The following DIPK1B variants were observed in gnomAD, a reference collection of about 807,000 sequenced individuals.
The protein encoded by DIPK1B is family with sequence similarity 69 member B.
Under a neutral mutation model 20.7 loss-of-function variants are expected in DIPK1B, and 17 were observed. The ratio of observed to expected loss-of-function variants is 0.82; its 90% CI spans 0.56 to 1.23. The LOEUF is 1.23. Among genes scored for constraint, DIPK1B ranks in the 50% most tolerant of loss-of-function variants. The probability of loss-of-function intolerance (pLI) is 0.00; values close to 1 mark genes in which losing one functional copy is unlikely to be tolerated. For synonymous variants in DIPK1B, 343 were observed against 276.5 expected, an observed-to-expected ratio of 1.24 and a Z score of -2.39; for missense variants, 648 against 601.8, an observed-to-expected ratio of 1.08 and a Z score of -0.80.
Position 136,717,666 on chromosome 9 carries a change from G to T in DIPK1B, c.153G>T (p.Ser51=). ...GCTGGCTGGTGTACGTGCACTACTC[G>T]TCCTACTCGGAGCGCTGTCGCGGCC... ...AGSWLVYVHY[S]SYSERCRGHV... The change falls in exon 2 of 5, where the codon TCG becomes TCT. Residue 51 remains serine (S), a synonymous_variant. Coordinates refer to ENST00000371692, the MANE Select transcript of DIPK1B (RefSeq NM_152421.4). 6.2e-7 allele frequency: 1 copy of T among 1,609,862 alleles called. No individual in the cohort carries two copies. The highest frequency in any genetic ancestry group is 8.5e-7 in the Non-Finnish European group (1 of 1,179,958).
rs1466016580 is a variant in DIPK1B at position 136,722,993 on chromosome 9, C to T, written c.515C>T (p.Ala172Val). ...ANLGDLPSLP[A>V]LVGQVLLMAD... Reference sequence around the variant, plus strand: ...CTGGGAGACCTGCCTTCCCTGCCGGCGCTGGTTGGCCAGGTCCTGCTCATG... The same window carrying T: ...CTGGGAGACCTGCCTTCCCTGCCGGTGCTGGTTGGCCAGGTCCTGCTCATG... Residue 172 changes from alanine (A) to valine (V), a missense_variant, in exon 5 of 5, where the codon GCG becomes GTG. Ala to Val is a moderately conservative substitution (Grantham distance 64). Coordinates refer to ENST00000371692, the MANE Select transcript of DIPK1B (RefSeq NM_152421.4). The T allele has an allele frequency of 9.3e-6, 15 of 1,609,048 alleles. No homozygotes were observed. Among genetic ancestry groups the T allele is most frequent in the East Asian group, 2.2e-5 (1 of 44,730 alleles).
At chr9:136,722,393 G>T in intron 4 of DIPK1B, 92 bp downstream of exon 4, 1 of 1,363,488 alleles carries the variant, frequency 7.3e-7, no homozygotes, top group Non-Finnish European at 1.0e-6. Context: ...CCAGCGCAAA[G>T]GCACAGATGG....
chr9:136,720,814 C>T (rs992318995), intron 2 of DIPK1B: 2 of 152,322 alleles, frequency 1.3e-5, no homozygotes, highest in Non-Finnish European at 2.9e-5. Context: ...CGGCTCCACC[C>T]CAGGGGTACC....
rs1846676831 is a variant in DIPK1B at position 136,724,707 on chromosome 9, T to C, written c.*933T>C. ...TCATCCTGTATTTTAAAATAAATGT[T>C]TTCCATATAGATTTTCCCCTTGGGG... On this transcript the variant is annotated 3_prime_UTR_variant, in exon 5 of 5. Transcript: ENST00000371692. The C allele has an allele frequency of 6.6e-6, 1 of 152,376 alleles. No homozygotes were observed. Among genetic ancestry groups the C allele is most frequent in the African/African-American group, 2.4e-5 (1 of 41,594 alleles). The allele number at this position is 152,376 out of a possible 1,614,324, so 9.4% of individuals were successfully genotyped here. A position where few individuals can be genotyped will look rare whatever the true frequency, so the allele number is the denominator to read the frequency against.
intron 2 of DIPK1B, among the ~76,000 whole-genome samples, chr9:136,719,217 C>T (rs368868305): frequency 1.2e-3 from 177 of 152,222 alleles, no homozygotes; most frequent in Admixed American, 3.2e-3. Flanking sequence ...TACTGGGTGC[C>T]GGGCCGCAAA....
rs1393707209 is a variant in DIPK1B, at chr9:136,712,834, G to C, written c.63+106G>C. On this transcript the variant is annotated intron_variant, in intron 1 of 4. Coordinates refer to ENST00000371692, the MANE Select transcript of DIPK1B (RefSeq NM_152421.4). The surrounding 1 kb of genome is among the most constrained non-coding windows in gnomAD (Gnocchi z 5.6). ...GGAGCGGGGCCCCGGGTTCGGACAC[G>C]AAGGGTTCATGAGCCCGGGGTGGGC... The C allele has an allele frequency of 8.1e-6, 6 of 742,742 alleles. No homozygotes were observed. The highest frequency in any genetic ancestry group is 1.1e-5 in the Non-Finnish European group (6 of 554,094). The allele number at this position is 742,742 out of a possible 1,614,324, so 46.0% of individuals were successfully genotyped here. A position where few individuals can be genotyped will look rare whatever the true frequency, so the allele number is the denominator to read the frequency against.
chr9:136,720,221 C>CTTTTTTTTTTTTTTTTTTTTTTTTTTTTT (rs1478464518), intron 2 of DIPK1B, among the ~76,000 whole-genome samples: 1 of 152,162 alleles, frequency 6.6e-6, no homozygotes, highest in African/African-American at 2.4e-5. Context: ...TTTTCCTTTT[C>CTTTTTTTTTTTTTTTTTTTTTTTTTTTTT]TGTCTTGACG....
At chr9:136,718,144 C>G (rs1243690919) in intron 2 of DIPK1B, among the ~76,000 whole-genome samples, 1 of 142,252 alleles carries the variant, frequency 7.0e-6, no homozygotes, top group Non-Finnish European at 1.6e-5. Context: ...AGGATAGCGA[C>G]CCCCGTGTGC....
In DIPK1B at chr9:136,724,652, G is replaced by A. The variant is rs1846675540; in HGVS notation, c.*878G>A. On this transcript the variant is annotated 3_prime_UTR_variant, in exon 5 of 5. Transcript: ENST00000371692. ...CCAACACAGAAATATTATCCTTAAA[G>A]AAATGTGCATTTAAATCTTTTAATT... The A allele has an allele frequency of 6.6e-6, 1 of 152,238 alleles. No homozygotes were observed. The highest frequency in any genetic ancestry group is 1.5e-5 in the Non-Finnish European group (1 of 68,038). 9.4% of individuals were successfully genotyped at this position (152,238 alleles called of 1,614,324 possible).
Position 136,719,771 on chromosome 9 carries a change from G to T in DIPK1B, c.198+2060G>T, listed in dbSNP as rs115499326. Among the ~76,000 whole-genome samples the T allele has an allele frequency of 2.3e-3, 347 of 152,352 alleles. 2 individuals are homozygous for T. Among genetic ancestry groups the T allele is most frequent in the African/African-American group, 7.9e-3 (330 of 41,592 alleles). ...CCCCAGCCCCAGCCCCAGCCTGGCA[G>T]ACAGCAGTGTGGCCCACAGGCTCCT... On this transcript the variant is annotated intron_variant, in intron 2 of 4. Coordinates refer to ENST00000371692, the MANE Select transcript of DIPK1B (RefSeq NM_152421.4).
At chr9:136,721,570 GGA>G (rs1460036500) in intron 2 of DIPK1B, 8 of 293,454 alleles carry the variant, frequency 2.7e-5, no homozygotes, top group Admixed American at 9.3e-5. Context: ...TCGGCTGGGC[GGA>G]GAGCTGCCTC....
In DIPK1B at chr9:136,724,409, T is replaced by C. The variant is rs1174203681; in HGVS notation, c.*635T>C. Among the ~76,000 whole-genome samples the C allele has an allele frequency of 6.6e-6, 1 of 152,194 alleles. No individual in the cohort carries two copies. The highest frequency in any genetic ancestry group is 1.5e-5 in the Non-Finnish European group (1 of 68,052). On this transcript the variant is annotated 3_prime_UTR_variant, in exon 5 of 5. Coordinates refer to ENST00000371692, the MANE Select transcript of DIPK1B (RefSeq NM_152421.4). Reference sequence around the variant, plus strand: ...ATCCAGCCATGAGATGTACAACTCATTCCCTAGGAAACAGCCCAGGAATGG... The same window carrying C: ...ATCCAGCCATGAGATGTACAACTCACTCCCTAGGAAACAGCCCAGGAATGG...
chr9:136,721,738 G>C, intron 2 of DIPK1B, 183 bp from the exon 3 acceptor site: 1 of 603,314 alleles, frequency 1.7e-6, no homozygotes. Context: ...CCCTGCAGCC[G>C]ACAGCCCCAT....
Position 136,722,313 on chromosome 9 carries a change from C to T in DIPK1B, c.483+12C>T. The T allele has an allele frequency of 6.2e-7, 1 of 1,608,414 alleles. No individual in the cohort carries two copies. The highest frequency in any genetic ancestry group is 8.5e-7 in the Non-Finnish European group (1 of 1,177,362). On this transcript the variant is annotated intron_variant, in intron 4 of 4. Transcript: ENST00000371692. Reference sequence around the variant, plus strand: ...TCAGCTTCCTCAAGGTCAGGCAGCTCTCCTAGGGGGCAGGGCAGGAGTCCA... The same window carrying T: ...TCAGCTTCCTCAAGGTCAGGCAGCTTTCCTAGGGGGCAGGGCAGGAGTCCA...
rs565563750 is a variant in DIPK1B at position 136,718,674 on chromosome 9, G to A, written c.198+963G>A. ...ATAGAAGGATCTGGCCTGTAGCAGC[G>A]GCCACTGTGGGTTGTCATAGGGTGA... On this transcript the variant is annotated intron_variant, in intron 2 of 4. Transcript: ENST00000371692. 2.7e-4 allele frequency among the ~76,000 whole-genome samples: 41 copies of A among 152,312 alleles called. No homozygotes were observed. In the South Asian group the frequency reaches 7.9e-3, roughly 29 times the overall value.
intron 1 of DIPK1B, among the ~76,000 whole-genome samples, chr9:136,716,226 C>T (rs896680263): frequency 6.6e-6 from 1 of 151,926 alleles, no homozygotes; most frequent in Non-Finnish European, 1.5e-5. Flanking sequence ...GACTGCCCAC[C>T]CCTGGGCTGT....
At position 136,722,165 on chromosome 9, in the gene DIPK1B, A is replaced by G. The variant is rs1263269003; in HGVS notation, c.347A>G (p.Lys116Arg). Residue 116 changes from lysine (K) to arginine (R), a missense_variant, in exon 4 of 5, where the codon AAG (lysine) becomes AGG (arginine). Lys to Arg is a conservative substitution (Grantham distance 26). Coordinates refer to ENST00000371692, the MANE Select transcript of DIPK1B (RefSeq NM_152421.4). The stretch of plus-strand genomic sequence containing the variant: ...TGGCGGGACAAGGATGTAACCATCA[A>G]GTGTGGCATTGAGGAGACCCTCGAC... ...GLWRDKDVTI[K>R]CGIEETLDSK... 1.2e-6 allele frequency: 2 copies of G among 1,614,032 alleles called. No individual in the cohort carries two copies. Among genetic ancestry groups the G allele is most frequent in the Non-Finnish European group, 1.7e-6 (2 of 1,179,996 alleles).
chr9:136,721,562 G>A (rs890044568), intron 2 of DIPK1B: 25 of 281,842 alleles, frequency 8.9e-5, no homozygotes, highest in African/African-American at 4.8e-4. Flanking sequence ...GAGCTGGGTC[G>A]GCTGGGCGGA....
chr9:136,716,419 C>T (rs1203698241), intron 1 of DIPK1B, among the ~76,000 whole-genome samples: 1 of 151,746 alleles, frequency 6.6e-6, no homozygotes, highest in African/African-American at 2.4e-5. Context: ...AGGCGTGAGT[C>T]ACCATGTCCA....
Sources: gnomAD v4.1 joint callset for allele counts (sites outside exome capture counted in the v4.1 genomes callset) on GRCh38, gnomAD v4.1.1 for gene constraint, Gnocchi (gnomAD v3.1) non-coding constraint, MANE v1.5 for transcripts, NCBI Gene and HGNC (gene_info 2026-07-23, HGNC 2026-07-21) for gene names.